Variants in DAPK1 observed in about 807,000 individuals in gnomAD.
DAPK1 encodes death-associated protein kinase 1.
In DAPK1, 56 loss-of-function variants were observed where a neutral mutation model predicts 144.9. That is an observed-to-expected ratio of 0.39 (90% CI 0.31 to 0.48). The LOEUF (loss-of-function observed/expected upper bound fraction) is 0.48, where lower values mean the gene tolerates loss of function less well. Among genes scored for constraint, DAPK1 ranks in the 20% least tolerant of loss-of-function variants. The probability of loss-of-function intolerance (pLI) is 0.95; values close to 1 mark genes in which losing one functional copy is unlikely to be tolerated. For missense variants in DAPK1, 1,454 were observed against 1,875.4 expected (o/e 0.78, Z 4.15); for synonymous variants, 690 against 749.0 (o/e 0.92, Z 1.29).
At chr9:87,635,875 C>T (rs1164803871) in intron 3 of DAPK1, among the ~76,000 whole-genome samples, 1 of 152,176 alleles carries the variant, frequency 6.6e-6, no homozygotes, top group Non-Finnish European at 1.5e-5. Flanking sequence ...GTGCCTGAGT[C>T]AGCCCAGTGG....
intron 2 of DAPK1, among the ~76,000 whole-genome samples, chr9:87,522,614 A>G (rs871497): frequency 1.9e-4 from 29 of 151,858 alleles, no homozygotes; most frequent in African/African-American, 6.8e-4. Flanking sequence ...ATGATTGCTG[A>G]TGTACAAAAT....
At chr9:87,501,741 T>G (rs1015795672) in intron 2 of DAPK1, among the ~76,000 whole-genome samples, 1 of 152,242 alleles carries the variant, frequency 6.6e-6, no homozygotes, top group Non-Finnish European at 1.5e-5. Flanking sequence ...TGTTCGTATT[T>G]GTGTGTACTG....
At position 87,611,037 on chromosome 9, in the gene DAPK1, A is replaced by G. The variant is rs554121849; in HGVS notation, c.284+5862A>G. 5.3e-5 allele frequency among the ~76,000 whole-genome samples: 8 copies of G among 152,330 alleles called. No individual in the cohort carries two copies. In the East Asian group the frequency reaches 1.5e-3, roughly 29 times the overall value. On this transcript the variant is annotated intron_variant, in intron 3 of 25. Coordinates refer to ENST00000408954, the MANE Select transcript of DAPK1 (RefSeq NM_004938.4). ...CATACTTTATCTAGCACAGACTTCC[A>G]AATTCTAGCCTGTTTTATGTAAGCA... is the stretch of plus-strand genomic sequence containing the variant.
intron 2 of DAPK1, among the ~76,000 whole-genome samples, chr9:87,540,182 T>C (rs1220853373): frequency 1.6e-5 from 2 of 127,964 alleles, no homozygotes; most frequent in Non-Finnish European, 1.6e-5. Context: ...GTTGTTAATC[T>C]CTTTTTTTTT....
intron 2 of DAPK1, among the ~76,000 whole-genome samples, chr9:87,510,273 T>C (rs1341484692): frequency 6.6e-6 from 1 of 152,230 alleles, no homozygotes; most frequent in African/African-American, 2.4e-5. Context: ...TCAGTGTGAT[T>C]TGGGCATTGA....
In DAPK1 at chr9:87,650,042, C is replaced by T. The variant is rs1830392257; in HGVS notation, c.1550C>T (p.Thr517Ile). ...KNREGETPLL[T>I]ASARGYHDIV... ...CGAGAAGGAGAGACGCCCCTCCTGA[C>T]AGCCTCTGCCAGGGGCTACCACGAC... Residue 517 changes from threonine to isoleucine, a missense_variant, in exon 16 of 26, where the codon ACA (threonine) becomes ATA (isoleucine). Physicochemically the swap from Thr to Ile is moderately conservative, Grantham distance 89. Transcript: ENST00000408954. 1 of 1,614,036 alleles carries T rather than the reference C, an allele frequency of 6.2e-7. No homozygotes were observed. Among genetic ancestry groups the T allele is most frequent in the Non-Finnish European group, 8.5e-7 (1 of 1,180,042 alleles).
At chr9:87,637,891 A>AATCAAT in intron 3 of DAPK1, 52 bp from the exon 4 acceptor site, 1 of 1,588,570 alleles carries the variant, frequency 6.3e-7, no homozygotes, top group Non-Finnish European at 8.6e-7. Flanking sequence ...TGAGAGAAGG[A>AATCAAT]ATCAATATGA....
chr9:87,608,735 C>T (rs866089440), intron 3 of DAPK1, among the ~76,000 whole-genome samples: 1 of 152,204 alleles, frequency 6.6e-6, no homozygotes, highest in African/African-American at 2.4e-5. Flanking sequence ...TGAGCGATCT[C>T]ACTAGGAACA....
At chr9:87,652,933 ACCCGGGT>A (rs1830505696) in intron 17 of DAPK1, among the ~76,000 whole-genome samples, 1 of 29,570 alleles carries the variant, frequency 3.4e-5, no homozygotes, top group African/African-American at 1.3e-4. Context: ...TCTCACCTGA[ACCCGGGT>A]CCTGATTCTG....
At chr9:87,498,875 G>T (rs530527501) in intron 1 of DAPK1, 95 bp from the exon 2 acceptor site, 2 of 526,180 alleles carry the variant, frequency 3.8e-6, no homozygotes, top group Non-Finnish European at 6.9e-6. Flanking sequence ...CGGAGACCCG[G>T]TCTTCAGCGA....
At chr9:87,530,635 G>A (rs1034457951) in intron 2 of DAPK1, among the ~76,000 whole-genome samples, 2 of 152,108 alleles carry the variant, frequency 1.3e-5, no homozygotes, top group African/African-American at 4.8e-5. Context: ...TATGAAGTTA[G>A]TTCTTTAAAA....
At chr9:87,565,443 G>A (rs28526729) in intron 2 of DAPK1, among the ~76,000 whole-genome samples, 7,552 of 152,184 alleles carry the variant, frequency 0.05, 579 homozygotes, top group African/African-American at 0.17. Context: ...CCTATTTTAT[G>A]GTTGGGGAAA....
chr9:87,707,099 A>G lies in DAPK1; in HGVS notation c.4028A>G (p.Tyr1343Cys). 5.0e-6 allele frequency: 8 copies of G among 1,614,060 alleles called. No homozygotes were observed. The highest frequency in any genetic ancestry group is 6.8e-6 in the Non-Finnish European group (8 of 1,179,956). The change falls in exon 26 of 26, where the codon TAC becomes TGC. Residue 1343 changes from tyrosine to cysteine, a missense_variant. Tyr to Cys is a radical substitution (Grantham distance 194). Coordinates refer to ENST00000408954, the MANE Select transcript of DAPK1 (RefSeq NM_004938.4). This position sits in a 1 kb window ranked among gnomAD's most constrained non-coding sequence, Gnocchi z 4.0. ...NLGLPDLVAK[Y>C]NTSNGAPKDF... is the part of the protein sequence containing the mutation. ...GGCCTCCCTGACCTCGTGGCAAAGT[A>G]CAACACCAGTAACGGGGCTCCCAAG...
At chr9:87,501,364 CA>C (rs940013105) in intron 2 of DAPK1, among the ~76,000 whole-genome samples, 3 of 151,788 alleles carry the variant, frequency 2.0e-5, no homozygotes, top group African/African-American at 7.3e-5. Flanking sequence ...ACTAAAAATA[CA>C]AAAAAAATTA....
chr9:87,571,652 G>A (rs1288031462), intron 2 of DAPK1, among the ~76,000 whole-genome samples: 5 of 152,312 alleles, frequency 3.3e-5, no homozygotes, highest in East Asian at 1.9e-4. Context: ...CTGCCCATCC[G>A]TCTGCCAGCA....
chr9:87,620,648 G>A (rs531898864), intron 3 of DAPK1, among the ~76,000 whole-genome samples: 11 of 151,782 alleles, frequency 7.2e-5, no homozygotes, highest in Non-Finnish European at 1.0e-4. Flanking sequence ...AGGAGGACTG[G>A]GAGTAGGACA....
intron 21 of DAPK1, among the ~76,000 whole-genome samples, chr9:87,690,301 G>C (rs973443861): frequency 6.6e-6 from 1 of 151,996 alleles, no homozygotes; most frequent in African/African-American, 2.4e-5. Context: ...TTCTTTCTCA[G>C]CTAGTTCATT....
chr9:87,559,298 G>A (rs901444173), intron 2 of DAPK1, among the ~76,000 whole-genome samples: 10 of 151,898 alleles, frequency 6.6e-5, no homozygotes, highest in African/African-American at 2.4e-4. Flanking sequence ...GGGTAGGCTA[G>A]GGTAGGCTAG....
rs1306142342 is a variant in DAPK1, at chr9:87,642,002, G to A, written c.862G>A (p.Ala288Thr). The A allele has an allele frequency of 1.2e-6, 2 of 1,614,008 alleles. No homozygotes were observed. The highest frequency in any genetic ancestry group is 1.7e-5 in the Admixed American group (1 of 60,010). ...KDTQQALSRK[A>T]SAVNMEKFKK... is the part of the protein sequence containing the mutation. ...TACACAACAGGCACTTAGTAGAAAA[G>A]CATCAGCAGTAAACATGGAGAAATT... The change falls in exon 10 of 26, where the codon GCA becomes ACA. Residue 288 changes from alanine (A) to threonine (T), a missense_variant. Transcript: ENST00000408954.
Sources: gnomAD v4.1 joint callset for allele counts (sites outside exome capture counted in the v4.1 genomes callset) on GRCh38, gnomAD v4.1.1 for gene constraint, Gnocchi (gnomAD v3.1) non-coding constraint, MANE v1.5 for transcripts, NCBI Gene and HGNC (gene_info 2026-07-23, HGNC 2026-07-21) for gene names.